LIMK2: variants seen among roughly 807,000 people sequenced by gnomAD.
The protein encoded by LIMK2 is LIM domain kinase 2.
A neutral mutation model predicts 75.7 loss-of-function variants in LIMK2; 35 were observed. The observed-to-expected ratio is 0.46, with a 90% CI of 0.35 to 0.61. The LOEUF (loss-of-function observed/expected upper bound fraction) is 0.61, where lower values mean the gene tolerates loss of function less well. Among genes scored for constraint, LIMK2 ranks in the 20% least tolerant of loss-of-function variants. LIMK2 has a pLI of 0.00. For synonymous variants in LIMK2, 301 were observed against 319.2 expected (o/e 0.94, Z 0.61); for missense variants, 623 against 831.0 (o/e 0.75, Z 3.08).
intron 2 of LIMK2, among the ~76,000 whole-genome samples, chr22:31,240,872 CCAAA>C (rs1387848178): frequency 6.6e-6 from 1 of 152,142 alleles, no homozygotes; most frequent in Non-Finnish European, 1.5e-5. Context: ...ATGTCAATCA[CCAAA>C]CATTTATTTA....
At chr22:31,215,770 C>T (rs1325322495) in intron 1 of LIMK2, among the ~76,000 whole-genome samples, 1 of 152,124 alleles carries the variant, frequency 6.6e-6, no homozygotes, top group Non-Finnish European at 1.5e-5. Flanking sequence ...AAAGCCACCG[C>T]ACTCCAGCCT....
At chr22:31,244,726 G>T (rs1256802351) in intron 2 of LIMK2, among the ~76,000 whole-genome samples, 3 of 152,180 alleles carry the variant, frequency 2.0e-5, no homozygotes, top group Admixed American at 2.0e-4. Flanking sequence ...CACAGTAGTT[G>T]TAACAATAGT....
intron 2 of LIMK2, among the ~76,000 whole-genome samples, chr22:31,232,253 G>GAAAA (rs34104927): frequency 7.7e-6 from 1 of 130,344 alleles, no homozygotes. Flanking sequence ...ACTCCCAGGA[G>GAAAA]AAAAAAAAAA....
At chr22:31,263,934 GAGCCT>G (rs1251035050) in intron 7 of LIMK2, among the ~76,000 whole-genome samples, 1 of 152,156 alleles carries the variant, frequency 6.6e-6, no homozygotes, top group Non-Finnish European at 1.5e-5. Flanking sequence ...AGACTGCAGT[GAGCCT>G]TGATCACACC....
At position 31,272,393 on chromosome 22, in the gene LIMK2, A is replaced by G. The variant is rs2048967891; in HGVS notation, c.1384-137A>G. ...CCTGGCCTGAGTGTGTCTATTTGATAGAGCTTTCTGCTCTGATTCTCCCTT... is the reference window on the plus strand; with the variant it reads ...CCTGGCCTGAGTGTGTCTATTTGATGGAGCTTTCTGCTCTGATTCTCCCTT... On this transcript the variant is annotated intron_variant, in intron 12 of 15. Coordinates refer to ENST00000331728, the MANE Select transcript of LIMK2 (RefSeq NM_005569.4). 3.6e-5 allele frequency: 29 copies of G among 810,708 alleles called. No homozygotes were observed. The South Asian group carries it at 5.8e-4, about 16-fold the overall frequency. The allele number at this position is 810,708 out of a possible 1,614,324, so 50.2% of individuals were successfully genotyped here.
intron 13 of LIMK2, chr22:31,273,012 G>A (rs1569003264): frequency 8.5e-7 from 1 of 1,169,970 alleles, no homozygotes; most frequent in South Asian, 2.9e-5. Context: ...GAGAACTGAA[G>A]TGTGGTGCCC....
chr22:31,263,138 A>G lies in LIMK2; in HGVS notation c.854+347A>G, dbSNP rs147671236. Among the ~76,000 whole-genome samples, 345 of 152,366 alleles carry G rather than the reference A, an allele frequency of 2.3e-3. 2 individuals carry two copies. Among genetic ancestry groups the G allele is most frequent in the Middle Eastern group, 6.8e-3 (2 of 294 alleles). On this transcript the variant is annotated intron_variant, in intron 7 of 15. Transcript: ENST00000331728. Reference sequence around the variant, plus strand: ...TAGGGGCACAGATAGGATTGAATAAATTGTGTAGAAAGACTTTGAAAACAA... The same window carrying G: ...TAGGGGCACAGATAGGATTGAATAAGTTGTGTAGAAAGACTTTGAAAACAA...
At chr22:31,258,634 T>A in intron 3 of LIMK2, 1 of 544,680 alleles carries the variant, frequency 1.8e-6, no homozygotes, top group South Asian at 2.7e-5. Flanking sequence ...TAGTTGAACG[T>A]TGGGAGTGGG....
At chr22:31,266,205 T>A (rs1181740884) in intron 8 of LIMK2, 73 bp downstream of exon 8, 16 of 1,473,864 alleles carry the variant, frequency 1.1e-5, no homozygotes, top group Non-Finnish European at 9.3e-7. Flanking sequence ...GGATTTCTCA[T>A]CACTTGGCCC....
At chr22:31,274,407 G>A (rs563080837) in intron 14 of LIMK2, among the ~76,000 whole-genome samples, 2 of 152,052 alleles carry the variant, frequency 1.3e-5, no homozygotes, top group African/African-American at 4.8e-5. Context: ...TTTTGTTTTT[G>A]TTTTTGTTTT....
At position 31,262,084 on chromosome 22, in the gene LIMK2, A is replaced by G. The variant is rs775183685; in HGVS notation, c.552-50A>G. On this transcript the variant is annotated intron_variant, in intron 5 of 15. Coordinates refer to ENST00000331728, the MANE Select transcript of LIMK2 (RefSeq NM_005569.4). This position sits in a 1 kb window ranked among gnomAD's most constrained non-coding sequence, Gnocchi z 5.0. ...TTCCCTGCACAAGCAGAATTGGTCA[A>G]GCAGGTTTTTAGGACATCTTTACCC... 1.5e-5 allele frequency: 22 copies of G among 1,475,400 alleles called. No individual in the cohort carries two copies. The highest frequency in any genetic ancestry group is 1.7e-5 in the Non-Finnish European group (18 of 1,053,888). The allele number at this position is 1,475,400 out of a possible 1,614,324, so 91.4% of individuals were successfully genotyped here. A position where few individuals can be genotyped will look rare whatever the true frequency, so the allele number is the denominator to read the frequency against.
At chr22:31,270,426 T>G (rs2048944102) in intron 11 of LIMK2, among the ~76,000 whole-genome samples, 2 of 152,144 alleles carry the variant, frequency 1.3e-5, no homozygotes, top group South Asian at 4.1e-4. Flanking sequence ...AAGAGCTCCC[T>G]GGGTGTGTGA....
chr22:31,278,147 A>T, intron 15 of LIMK2, 150 bp from the exon 16 acceptor site: 2 of 664,104 alleles, frequency 3.0e-6, no homozygotes, highest in South Asian at 3.7e-5. Flanking sequence ...TACCGGTAAC[A>T]TTATGCCCAT....
intron 4 of LIMK2, 77 bp from the exon 5 acceptor site, chr22:31,259,812 C>A (rs1009616764): frequency 1.5e-6 from 2 of 1,295,952 alleles, no homozygotes; most frequent in African/African-American, 1.5e-5. Flanking sequence ...TTGCTTAAAG[C>A]CACATGGTGC....
intron 1 of LIMK2, among the ~76,000 whole-genome samples, chr22:31,220,935 G>A (rs1601398210): frequency 6.6e-6 from 1 of 152,116 alleles, no homozygotes; most frequent in East Asian, 1.9e-4. Context: ...TTGCACTCCA[G>A]CCTGGGCAAC....
At chr22:31,224,885 C>T (rs1413919358) in intron 1 of LIMK2, among the ~76,000 whole-genome samples, 2 of 152,312 alleles carry the variant, frequency 1.3e-5, no homozygotes, top group East Asian at 1.9e-4. Flanking sequence ...CCAACTGGTA[C>T]GGGTCTGTAG....
chr22:31,257,040 ATT>A (rs529919320), intron 2 of LIMK2, among the ~76,000 whole-genome samples: 21 of 75,042 alleles, frequency 2.8e-4, no homozygotes, highest in South Asian at 7.3e-4. Flanking sequence ...GGAGCTATAG[ATT>A]TTTTTTTTTT....
intron 3 of LIMK2, 155 bp downstream of exon 3, chr22:31,258,581 C>A: frequency 2.7e-6 from 2 of 728,048 alleles, no homozygotes; most frequent in Non-Finnish European, 4.5e-6. Context: ...ATCAATTGAG[C>A]ACCTACTAAG....
intron 2 of LIMK2, among the ~76,000 whole-genome samples, chr22:31,256,298 A>G (rs1044472226): frequency 4.8e-5 from 7 of 144,470 alleles, no homozygotes; most frequent in African/African-American, 1.3e-4. Flanking sequence ...CGCCCTGCCT[A>G]TATTAGGACT....
Sources: allele counts gnomAD v4.1 joint callset (sites outside exome capture counted in the v4.1 genomes callset), GRCh38; gene constraint gnomAD v4.1.1; non-coding constraint Gnocchi (gnomAD v3.1); transcripts MANE v1.5; gene names NCBI Gene and HGNC (gene_info 2026-07-23, HGNC 2026-07-21).